Variants in SMG6 observed in about 807,000 individuals in gnomAD.
SMG6 encodes SMG6 nonsense mediated mRNA decay factor.
Under a neutral mutation model 142.2 loss-of-function variants are expected in SMG6, and 66 were observed. The ratio of observed to expected loss-of-function variants is 0.46; its 90% confidence interval spans 0.38 to 0.57. The LOEUF (loss-of-function observed/expected upper bound fraction) is 0.57. Ranked by LOEUF, SMG6 falls within the 20% of genes least tolerant of loss-of-function variation. SMG6 has a pLI of 0.00. For missense variants in SMG6, 1,793 were observed against 1,832.0 expected, an observed-to-expected ratio of 0.98 and a Z score of 0.39; for synonymous variants, 779 against 702.4, an observed-to-expected ratio of 1.11 and a Z score of -1.72.
At chr17:2,258,342 G>C (rs2074239136) in intron 8 of SMG6, among the ~76,000 whole-genome samples, 1 of 152,050 alleles carries the variant, frequency 6.6e-6, no homozygotes, top group African/African-American at 2.4e-5. Flanking sequence ...GATCAACGGA[G>C]GTCAGGAGTT....
At chr17:2,298,152 C>G in intron 2 of SMG6, 97 bp from the exon 3 acceptor site, 1 of 1,144,452 alleles carries the variant, frequency 8.7e-7, no homozygotes, top group Non-Finnish European at 1.2e-6. Flanking sequence ...CCTCCCCTGG[C>G]AGGAAATAAA....
chr17:2,267,751 AT>A (rs5818852), intron 8 of SMG6, among the ~76,000 whole-genome samples: 77,230 of 138,974 alleles, frequency 0.56, 21,999 homozygotes, highest in East Asian at 0.74. Context: ...TTTTATTATT[AT>A]TTTTTTTTTT....
intron 13 of SMG6, among the ~76,000 whole-genome samples, chr17:2,112,502 T>C (rs1354869414): frequency 6.9e-6 from 1 of 145,630 alleles, no homozygotes; most frequent in African/African-American, 2.6e-5. Flanking sequence ...AGCAAGACTC[T>C]GTCTCAAAAA....
At chr17:2,291,296 A>C (rs988435367) in intron 6 of SMG6, among the ~76,000 whole-genome samples, 7 of 151,538 alleles carry the variant, frequency 4.6e-5, no homozygotes, top group South Asian at 2.1e-4. Flanking sequence ...GCGCCACTGC[A>C]CTCCAGCCTG....
rs1408296140 is a variant in SMG6 at position 2,071,131 on chromosome 17, G to C, written c.3682-2200C>G. On this transcript the variant is annotated intron_variant, in intron 15 of 18. Transcript: ENST00000263073. This position sits in a 1 kb window ranked among gnomAD's most constrained non-coding sequence, Gnocchi z 5.6. ...GGAGCAGTGGCAGCTGGAGTGACAG[G>C]GGCTGGGGGTCCGGCTCTGCACTGC... is the stretch of plus-strand genomic sequence containing the variant. Among the ~76,000 whole-genome samples, 1 of 152,188 alleles carries C rather than the reference G, an allele frequency of 6.6e-6. No individual in the cohort carries two copies. Among genetic ancestry groups the C allele is most frequent in the Admixed American group, 6.5e-5 (1 of 15,288 alleles).
At chr17:2,263,346 T>C (rs972101432) in intron 8 of SMG6, among the ~76,000 whole-genome samples, 2 of 152,164 alleles carry the variant, frequency 1.3e-5, no homozygotes, top group Non-Finnish European at 2.9e-5. Flanking sequence ...TCATAGAGGC[T>C]GATGACACAC....
At chr17:2,104,449 C>T (rs1445911733) in intron 13 of SMG6, among the ~76,000 whole-genome samples, 1 of 151,708 alleles carries the variant, frequency 6.6e-6, no homozygotes, top group Non-Finnish European at 1.5e-5. Flanking sequence ...GAAGTCCTCA[C>T]AAGTGACAAT....
chr17:2,244,148 A>C (rs1436424536), intron 9 of SMG6, among the ~76,000 whole-genome samples: 1 of 152,230 alleles, frequency 6.6e-6, no homozygotes, highest in African/African-American at 2.4e-5. Flanking sequence ...ATGAAACCGT[A>C]AGAGGCTTGG....
intron 8 of SMG6, among the ~76,000 whole-genome samples, chr17:2,258,186 T>A (rs2074235643): frequency 6.6e-6 from 1 of 152,018 alleles, no homozygotes; most frequent in South Asian, 2.1e-4. Flanking sequence ...GTACTACTAT[T>A]ATTTCCTTAC....
chr17:2,248,561 G>C (rs1335141591), intron 8 of SMG6, among the ~76,000 whole-genome samples: 1 of 152,082 alleles, frequency 6.6e-6, no homozygotes, highest in Admixed American at 6.5e-5. Context: ...TATTTTAACT[G>C]CAAAAAGTCG....
At chr17:2,297,094 C>T (rs1194280142) in intron 4 of SMG6, 149 bp downstream of exon 4, 1 of 474,312 alleles carries the variant, frequency 2.1e-6, no homozygotes, top group Non-Finnish European at 3.7e-6. Flanking sequence ...TATGACATTA[C>T]AATTGTTGGT....
Position 2,085,887 on chromosome 17 carries a change from G to T in SMG6, c.3372C>A (p.Asp1124Glu). 6.2e-7 allele frequency: 1 copy of T among 1,614,132 alleles called. No homozygotes were observed. Among genetic ancestry groups the T allele is most frequent in the South Asian group, 1.1e-5 (1 of 91,084 alleles). ...ACTTCAGCACTGTGACCCTTTTGCA[G>T]TCAGCTGCAATAACCTACAGGGTGA... Reference protein sequence around the residue: ...EKTSDKVIAADCKRVTVLKYF... With the variant: ...EKTSDKVIAAECKRVTVLKYF... The change falls in exon 14 of 19, where the codon GAC becomes GAA. Residue 1124 changes from aspartate (D) to glutamate (E), a missense_variant. Around this residue, in one of 3 missense-constraint regions of SMG6, gnomAD observed 1,597 missense variants for 1,584.6 expected, o/e 1.01. Transcript: ENST00000263073. This position sits in a 1 kb window ranked among gnomAD's most constrained non-coding sequence, Gnocchi z 4.1.
intron 13 of SMG6, chr17:2,086,972 C>T (rs983443222): frequency 2.3e-6 from 3 of 1,277,038 alleles, no homozygotes; most frequent in African/African-American, 3.1e-5. Flanking sequence ...TTCATCCTCA[C>T]TGACTAGCCC....
chr17:2,274,660 G>C (rs1048242174), intron 8 of SMG6, among the ~76,000 whole-genome samples: 1 of 152,150 alleles, frequency 6.6e-6, no homozygotes, highest in Non-Finnish European at 1.5e-5. Flanking sequence ...AGGAAGGTTT[G>C]ACAAGAGCTT....
At chr17:2,188,980 C>T (rs952087747) in intron 10 of SMG6, among the ~76,000 whole-genome samples, 8 of 152,182 alleles carry the variant, frequency 5.3e-5, no homozygotes, top group Admixed American at 2.6e-4. Context: ...CGCCCGATCT[C>T]GTCTAAAAAT....
intron 9 of SMG6, among the ~76,000 whole-genome samples, chr17:2,242,005 G>A (rs1484729041): frequency 6.6e-6 from 1 of 152,160 alleles, no homozygotes; most frequent in Non-Finnish European, 1.5e-5. Flanking sequence ...TGGGAAGAAG[G>A]CAGGGATGCT....
chr17:2,303,734 G>T lies in SMG6; in HGVS notation c.-14C>A, dbSNP rs766541175. The T allele has an allele frequency of 2.7e-6, 4 of 1,489,388 alleles. No homozygotes were observed. In the South Asian group the frequency reaches 5.0e-5, roughly 19 times the overall value. The allele number at this position is 1,489,388 out of a possible 1,614,324, so 92.3% of individuals were successfully genotyped here. ...CCCTTCCGCCATCTTCGCGGCTGCTGCTACAGCCGTAGCGGCTCCGCCACC... is the reference window on the plus strand; with the variant it reads ...CCCTTCCGCCATCTTCGCGGCTGCTTCTACAGCCGTAGCGGCTCCGCCACC... On this transcript the variant is annotated 5_prime_UTR_variant, in exon 1 of 19. Transcript: ENST00000263073.
At position 2,299,002 on chromosome 17, in the gene SMG6, A is replaced by T. The variant is rs748123294; in HGVS notation, c.1751T>A (p.Leu584His). Residue 584 changes from leucine (L) to histidine (H), a missense_variant, in exon 2 of 19, where the codon CTT becomes CAT. Coordinates refer to ENST00000263073, the MANE Select transcript of SMG6 (RefSeq NM_017575.5). This position sits in a 1 kb window ranked among gnomAD's most constrained non-coding sequence, Gnocchi z 4.3. ...RNLQQQELHR[L>H]LRVADNQELQ... ...TTCCTGGTTGTCAGCCACCCGGAGA[A>T]GCCTGTGCAGCTCCTGTTGCTGCAG... 2 of 1,614,152 alleles carry T rather than the reference A, an allele frequency of 1.2e-6. No individual in the cohort carries two copies. Among genetic ancestry groups the T allele is most frequent in the Admixed American group, 3.3e-5 (2 of 60,012 alleles).
intron 8 of SMG6, among the ~76,000 whole-genome samples, chr17:2,267,739 A>T (rs2074453008): frequency 7.2e-6 from 1 of 137,986 alleles, no homozygotes. Flanking sequence ...ATTTTTAATT[A>T]TTTTTATTAT....
Sources: gnomAD v4.1 joint callset for allele counts (sites outside exome capture counted in the v4.1 genomes callset) on GRCh38, gnomAD v4.1.1 for gene constraint, gnomAD v4.1.1 regional missense constraint, Gnocchi (gnomAD v3.1) non-coding constraint, MANE v1.5 for transcripts, NCBI Gene and HGNC (gene_info 2026-07-23, HGNC 2026-07-21) for gene names.